CCDC85A: variants seen among roughly 807,000 people sequenced by gnomAD.
CCDC85A encodes the protein coiled-coil domain-containing protein 85A.
Under a neutral mutation model 50.2 loss-of-function variants are expected in CCDC85A, and 38 were observed. That is an observed-to-expected ratio of 0.76 (90% confidence interval 0.58 to 0.99). The LOEUF (loss-of-function observed/expected upper bound fraction) is 0.99, where lower values mean the gene tolerates loss of function less well. CCDC85A is among the 50% of genes least tolerant of loss of function. The pLI is 0.00. For synonymous variants in CCDC85A, 366 were observed against 301.4 expected (o/e 1.21, Z -2.22); for missense variants, 820 against 742.0 (o/e 1.11, Z -1.22).
chr2:56,311,527 TTACA>T (rs995690259), intron 2 of CCDC85A, among the ~76,000 whole-genome samples: 2 of 152,028 alleles, frequency 1.3e-5, no homozygotes, highest in African/African-American at 4.8e-5. Context: ...TGCAGGTTTG[TTACA>T]TATGTATACA....
At chr2:56,210,897 A>G (rs766530147) in intron 2 of CCDC85A, among the ~76,000 whole-genome samples, 2 of 152,034 alleles carry the variant, frequency 1.3e-5, no homozygotes, top group African/African-American at 2.4e-5. Flanking sequence ...ATCAAGATGC[A>G]AGCAGAGTGG....
At chr2:56,378,991 A>G (rs1461952050) in intron 5 of CCDC85A, among the ~76,000 whole-genome samples, 1 of 152,230 alleles carries the variant, frequency 6.6e-6, no homozygotes, top group Admixed American at 6.5e-5. Context: ...TGTAGTATAA[A>G]AAGGTACCCA....
chr2:56,223,920 C>T (rs1245226781), intron 2 of CCDC85A, among the ~76,000 whole-genome samples: 1 of 152,182 alleles, frequency 6.6e-6, no homozygotes, highest in Non-Finnish European at 1.5e-5. Context: ...CCCTACTTCT[C>T]TCTTTCCTTC....
At chr2:56,336,935 A>G (rs1232608530) in intron 2 of CCDC85A, among the ~76,000 whole-genome samples, 1 of 152,250 alleles carries the variant, frequency 6.6e-6, no homozygotes, top group Non-Finnish European at 1.5e-5. Context: ...CTTCATGATT[A>G]GTAGATCCAA....
intron 2 of CCDC85A, among the ~76,000 whole-genome samples, chr2:56,234,833 C>T (rs1392491775): frequency 3.3e-5 from 5 of 152,112 alleles, no homozygotes; most frequent in East Asian, 1.9e-4. Context: ...AGGGAAGACA[C>T]TATGTTTTAA....
intron 2 of CCDC85A, among the ~76,000 whole-genome samples, chr2:56,334,609 C>T (rs114434344): frequency 6.6e-6 from 1 of 152,020 alleles, no homozygotes. Context: ...TAACAATATA[C>T]ACAGGTAGAG....
intron 3 of CCDC85A, among the ~76,000 whole-genome samples, chr2:56,354,047 G>T (rs1675099974): frequency 6.6e-6 from 1 of 152,112 alleles, no homozygotes. Flanking sequence ...GGGACCACAT[G>T]TTATCTCATA....
intron 2 of CCDC85A, among the ~76,000 whole-genome samples, chr2:56,281,071 A>G (rs1671186229): frequency 6.6e-6 from 1 of 152,102 alleles, no homozygotes; most frequent in Admixed American, 6.6e-5. Context: ...ATCACCCCCA[A>G]AAGTTACCTT....
chr2:56,276,241 T>A (rs369586467), intron 2 of CCDC85A, among the ~76,000 whole-genome samples: 1 of 152,144 alleles, frequency 6.6e-6, no homozygotes, highest in South Asian at 2.1e-4. Flanking sequence ...GCTAACAAGG[T>A]TATGGACCTA....
At chr2:56,260,844 T>G (rs1269086217) in intron 2 of CCDC85A, among the ~76,000 whole-genome samples, 1 of 152,356 alleles carries the variant, frequency 6.6e-6, no homozygotes, top group African/African-American at 2.4e-5. Context: ...GCTAACTGTC[T>G]TATTTAGCCA....
chr2:56,361,484 T>A (rs910905812), intron 3 of CCDC85A, among the ~76,000 whole-genome samples: 1 of 152,112 alleles, frequency 6.6e-6, no homozygotes. Flanking sequence ...ATGTAATACA[T>A]TACCCAAAAG....
At chr2:56,195,213 T>G (rs886831200) in intron 2 of CCDC85A, among the ~76,000 whole-genome samples, 8 of 152,234 alleles carry the variant, frequency 5.3e-5, no homozygotes, top group African/African-American at 1.9e-4. Flanking sequence ...ACTGTATGAT[T>G]TGACTTCTAA....
intron 2 of CCDC85A, among the ~76,000 whole-genome samples, chr2:56,297,283 T>C (rs140654842): frequency 2.0e-5 from 3 of 152,142 alleles, no homozygotes; most frequent in East Asian, 1.9e-4. Context: ...TGTGGATGAG[T>C]TGGGGAAACT....
intron 2 of CCDC85A, among the ~76,000 whole-genome samples, chr2:56,234,991 C>A (rs547133333): frequency 6.6e-6 from 1 of 152,134 alleles, no homozygotes. Context: ...AAACAGTTTA[C>A]TAAAATCAGA....
intron 2 of CCDC85A, among the ~76,000 whole-genome samples, chr2:56,265,029 G>A (rs940002498): frequency 6.6e-6 from 1 of 152,130 alleles, no homozygotes; most frequent in African/African-American, 2.4e-5. Flanking sequence ...ACCCCTCCAG[G>A]TTACCTCTGC....
intron 2 of CCDC85A, among the ~76,000 whole-genome samples, chr2:56,273,299 C>T (rs916192642): frequency 4.6e-5 from 7 of 151,870 alleles, no homozygotes; most frequent in African/African-American, 1.7e-4. Context: ...TTAAAATTCT[C>T]AAAACTGAAA....
intron 2 of CCDC85A, among the ~76,000 whole-genome samples, chr2:56,215,574 A>G (rs1451685808): frequency 1.5e-5 from 2 of 137,534 alleles, no homozygotes; most frequent in Non-Finnish European, 3.1e-5. Flanking sequence ...TAGTTTGCTG[A>G]TAGTTTTTTT....
intron 2 of CCDC85A, among the ~76,000 whole-genome samples, chr2:56,327,831 C>CAAAAA (rs70955016): frequency 1.1e-5 from 1 of 93,258 alleles, no homozygotes; most frequent in African/African-American, 3.7e-5. Context: ...TAGAGTAAGG[C>CAAAAA]AAAAAAAAAA....
chr2:56,228,726 G>T (rs1327715050), intron 2 of CCDC85A, among the ~76,000 whole-genome samples: 1 of 152,002 alleles, frequency 6.6e-6, no homozygotes, highest in East Asian at 1.9e-4. Context: ...GTAGAGACAC[G>T]GTTTCACTGT....
Sources: allele counts gnomAD v4.1 joint callset (sites outside exome capture counted in the v4.1 genomes callset), GRCh38; gene constraint gnomAD v4.1.1; transcripts MANE v1.5; gene names NCBI Gene and HGNC (gene_info 2026-07-23, HGNC 2026-07-21).